PRR16: variants seen among roughly 807,000 people sequenced by gnomAD.
PRR16 encodes protein Largen.
Under a neutral mutation model 18.2 loss-of-function variants are expected in PRR16, and 6 were observed. That is an observed-to-expected ratio of 0.33 (90% CI 0.18 to 0.65). The LOEUF is 0.65. Among genes scored for constraint, PRR16 ranks in the 30% least tolerant of loss-of-function variants. The pLI, the probability that PRR16 is intolerant of heterozygous loss-of-function variation, is 0.74. For synonymous variants in PRR16, 151 were observed against 147.8 expected (o/e 1.02, Z -0.16); for missense variants, 412 against 376.6 (o/e 1.09, Z -0.78).
chr5:120,766,149 G>A, the PRR16 span, among the ~76,000 whole-genome samples: 1 of 151,952 alleles, frequency 6.6e-6, no homozygotes, highest in East Asian at 1.9e-4. Flanking sequence ...TTTTGTGTCT[G>A]TATTTTTAGC....
intron 1 of PRR16, among the ~76,000 whole-genome samples, chr5:120,615,677 T>A (rs560310980): frequency 1.1e-4 from 17 of 152,242 alleles, no homozygotes; most frequent in Admixed American, 3.3e-4. Flanking sequence ...AATTAAATAA[T>A]GCCTGCATAC....
At chr5:120,663,916 T>C (rs1756263855) in intron 1 of PRR16, among the ~76,000 whole-genome samples, 1 of 152,076 alleles carries the variant, frequency 6.6e-6, no homozygotes, top group South Asian at 2.1e-4. Flanking sequence ...TGTTTACTGA[T>C]AATAAATATT....
At chr5:120,488,462 G>T (rs1305218991) in intron 1 of PRR16, among the ~76,000 whole-genome samples, 1 of 151,986 alleles carries the variant, frequency 6.6e-6, no homozygotes, top group African/African-American at 2.4e-5. Context: ...TTCTCTGACG[G>T]TAGTTTGTAT....
intron 1 of PRR16, among the ~76,000 whole-genome samples, chr5:120,498,252 C>T (rs1032274865): frequency 1.3e-5 from 2 of 149,454 alleles, no homozygotes; most frequent in Admixed American, 1.3e-4. Flanking sequence ...TAACAGTTTT[C>T]CTAGGTATTA....
intron 1 of PRR16, among the ~76,000 whole-genome samples, chr5:120,625,046 A>G (rs1001155340): frequency 6.6e-6 from 1 of 152,190 alleles, no homozygotes; most frequent in Non-Finnish European, 1.5e-5. Context: ...TCTTTCCATT[A>G]TAAATTGCCC....
chr5:120,652,722 C>T (rs773830580), intron 1 of PRR16, among the ~76,000 whole-genome samples: 1 of 151,904 alleles, frequency 6.6e-6, no homozygotes, highest in African/African-American at 2.4e-5. Flanking sequence ...ATGATACATA[C>T]AGTATCTTCA....
the PRR16 span, among the ~76,000 whole-genome samples, chr5:120,726,908 T>G: frequency 1.3e-5 from 2 of 152,086 alleles, no homozygotes; most frequent in Non-Finnish European, 2.9e-5. Flanking sequence ...TTACTATAGT[T>G]TAGAAGAGTA....
intron 1 of PRR16, among the ~76,000 whole-genome samples, chr5:120,552,038 A>G (rs188530719): frequency 6.6e-6 from 1 of 152,058 alleles, no homozygotes; most frequent in African/African-American, 2.4e-5. Context: ...ATCCTCTCAG[A>G]TCCCAATTCA....
In PRR16 at chr5:120,525,771, CTT is replaced by C. The variant is rs147370544; in HGVS notation, c.159+61128_159+61129del. On this transcript the variant is annotated intron_variant, in intron 1 of 1. Transcript: ENST00000407149. The stretch of plus-strand genomic sequence containing the variant: ...TCAGTGCTTAAAAGTCATTAGTAGA[CTT>C]TAAAACATAAGCCTTTAGGAGGACC... Among the ~76,000 whole-genome samples, 248 of 152,116 alleles carry C rather than the reference CTT, an allele frequency of 1.6e-3. 1 individual carries two copies. Among genetic ancestry groups the C allele is most frequent in the African/African-American group, 5.8e-3 (240 of 41,524 alleles).
intron 1 of PRR16, among the ~76,000 whole-genome samples, chr5:120,513,866 C>T (rs1750906011): frequency 6.6e-6 from 1 of 151,540 alleles, no homozygotes; most frequent in Admixed American, 6.6e-5. Context: ...TCAAGCAATT[C>T]TCCTGCCTCA....
chr5:120,488,460 CG>C (rs1430165626), intron 1 of PRR16, among the ~76,000 whole-genome samples: 46 of 152,038 alleles, frequency 3.0e-4, no homozygotes, highest in Admixed American at 4.6e-4. Context: ...TATTCTCTGA[CG>C]GTAGTTTGTA....
At chr5:120,674,730 T>G (rs1334313279) in intron 1 of PRR16, among the ~76,000 whole-genome samples, 1 of 152,086 alleles carries the variant, frequency 6.6e-6, no homozygotes, top group Admixed American at 6.5e-5. Flanking sequence ...CAATTTCTCT[T>G]TTTCTGTTTC....
At chr5:120,756,023 C>G in the PRR16 span, among the ~76,000 whole-genome samples, 1 of 152,090 alleles carries the variant, frequency 6.6e-6, no homozygotes, top group Admixed American at 6.6e-5. Context: ...TGACCTGCAA[C>G]TAGTCTGATT....
At chr5:120,626,469 C>T (rs1754868945) in intron 1 of PRR16, among the ~76,000 whole-genome samples, 1 of 152,090 alleles carries the variant, frequency 6.6e-6, no homozygotes, top group East Asian at 1.9e-4. Context: ...GTGATGACTG[C>T]AAATGAGCAT....
At chr5:120,762,887 T>TAACA in the PRR16 span, among the ~76,000 whole-genome samples, 645 of 152,330 alleles carry the variant, frequency 4.2e-3, 8 homozygotes, top group African/African-American at 0.014. Flanking sequence ...TTTCTTCTAC[T>TAACA]AACATTGTAA....
In PRR16 at chr5:120,559,895, G is replaced by A. The variant is rs867253806; in HGVS notation, c.159+95250G>A. On this transcript the variant is annotated intron_variant, in intron 1 of 1. Coordinates refer to ENST00000407149, the MANE Select transcript of PRR16 (RefSeq NM_001300783.2). ...CTTCTTGGGTGAAATTTAACTTTAT[G>A]TATGGCTATTGTAAAATAGATAATT... is the stretch of plus-strand genomic sequence containing the variant. Among the ~76,000 whole-genome samples the A allele has an allele frequency of 2.0e-5, 3 of 151,604 alleles. No individual in the cohort carries two copies. The South Asian group carries it at 6.2e-4, about 31-fold the overall frequency.
intron 1 of PRR16, among the ~76,000 whole-genome samples, chr5:120,564,726 C>T (rs760003088): frequency 6.6e-6 from 1 of 152,136 alleles, no homozygotes; most frequent in Non-Finnish European, 1.5e-5. Flanking sequence ...GTGGCTCACG[C>T]CTGTAATCCC....
chr5:120,709,533 T>C, the PRR16 span, among the ~76,000 whole-genome samples: 3 of 152,256 alleles, frequency 2.0e-5, no homozygotes, highest in Admixed American at 6.5e-5. Context: ...ATACAATGAA[T>C]TATTGTTAGC....
chr5:120,587,346 G>T (rs1753482082), intron 1 of PRR16, among the ~76,000 whole-genome samples: 1 of 152,220 alleles, frequency 6.6e-6, no homozygotes, highest in Non-Finnish European at 1.5e-5. Context: ...CAATGAAGAT[G>T]AAATAGCTTT....
Sources: gnomAD v4.1 joint callset for allele counts (sites outside exome capture counted in the v4.1 genomes callset) on GRCh38, gnomAD v4.1.1 for gene constraint, MANE v1.5 for transcripts, NCBI Gene and HGNC (gene_info 2026-07-23, HGNC 2026-07-21) for gene names.